ADAM18: variants seen among roughly 807,000 people sequenced by gnomAD.
ADAM18 encodes ADAM metallopeptidase domain 18.
A neutral mutation model predicts 94.4 loss-of-function variants in ADAM18; 117 were observed. That is an observed-to-expected ratio of 1.24 (90% confidence interval 1.07 to 1.45). The LOEUF (loss-of-function observed/expected upper bound fraction) is 1.45, where lower values mean the gene tolerates loss of function less well. ADAM18 is among the 40% of genes most tolerant of loss of function. The pLI, the probability that ADAM18 is intolerant of heterozygous loss-of-function variation, is 0.00. For missense variants in ADAM18, 936 were observed against 880.0 expected, an observed-to-expected ratio of 1.06 and a Z score of -0.81; for synonymous variants, 327 against 291.6, an observed-to-expected ratio of 1.12 and a Z score of -1.24.
chr8:39,720,273 G>T (rs956801097), intron 18 of ADAM18, among the ~76,000 whole-genome samples: 1 of 151,472 alleles, frequency 6.6e-6, no homozygotes, highest in Non-Finnish European at 1.5e-5. Flanking sequence ...TATAATGAAA[G>T]AATGCAGACC....
At chr8:39,691,661 A>C (rs1279398899) in intron 16 of ADAM18, among the ~76,000 whole-genome samples, 3 of 152,142 alleles carry the variant, frequency 2.0e-5, no homozygotes, top group Admixed American at 6.5e-5. Context: ...TAAACAAATA[A>C]AATCATGTTA....
chr8:39,621,309 TCACA>T (rs55818122), intron 6 of ADAM18, among the ~76,000 whole-genome samples: 3,840 of 128,842 alleles, frequency 0.03, 65 homozygotes, highest in Middle Eastern at 0.062. Context: ...CATGACAAAA[TCACA>T]CACACACACA....
At chr8:39,706,565 A>G (rs1822247590) in intron 17 of ADAM18, among the ~76,000 whole-genome samples, 1 of 152,202 alleles carries the variant, frequency 6.6e-6, no homozygotes, top group South Asian at 2.1e-4. Context: ...CTCAATGTAT[A>G]GAGGCCAGAA....
At position 39,606,288 on chromosome 8, in the gene ADAM18, C is replaced by G. The variant is rs200886673; in HGVS notation, c.133-19C>G. ...TTTCTGGTTTCCTTCACAATCTTTACTGATGTGTTTTATTTTAGATGATTT... is the reference window on the plus strand; with the variant it reads ...TTTCTGGTTTCCTTCACAATCTTTAGTGATGTGTTTTATTTTAGATGATTT... On this transcript the variant is annotated intron_variant, in intron 2 of 19. Coordinates refer to ENST00000265707, the MANE Select transcript of ADAM18 (RefSeq NM_014237.3). The G allele has an allele frequency of 7.1e-7, 1 of 1,416,724 alleles. No individual in the cohort carries two copies. Among genetic ancestry groups the G allele is most frequent in the Non-Finnish European group, 9.7e-7 (1 of 1,030,286 alleles). 87.8% of individuals were successfully genotyped at this position (1,416,724 alleles called of 1,614,324 possible).
intron 2 of ADAM18, among the ~76,000 whole-genome samples, chr8:39,600,952 G>A (rs1818884510): frequency 6.6e-6 from 1 of 152,160 alleles, no homozygotes; most frequent in Non-Finnish European, 1.5e-5. Context: ...AAAGAAAAGA[G>A]GTTTAATTGG....
At chr8:39,655,464 T>C (rs1820659190) in intron 12 of ADAM18, among the ~76,000 whole-genome samples, 1 of 152,110 alleles carries the variant, frequency 6.6e-6, no homozygotes, top group African/African-American at 2.4e-5. Flanking sequence ...ATCATCTCAA[T>C]GGATAGATAA....
chr8:39,720,249 A>C (rs554331514), intron 18 of ADAM18, among the ~76,000 whole-genome samples: 47 of 151,684 alleles, frequency 3.1e-4, no homozygotes, highest in African/African-American at 1.1e-3. Flanking sequence ...AAGTATAAAA[A>C]ATGAAAGCTA....
intron 18 of ADAM18, among the ~76,000 whole-genome samples, chr8:39,716,092 C>G (rs901758299): frequency 6.6e-6 from 1 of 151,916 alleles, no homozygotes; most frequent in Non-Finnish European, 1.5e-5. Context: ...TTTTCTCTCT[C>G]TCTTTTTTCT....
intron 3 of ADAM18, 49 bp from the exon 4 acceptor site, chr8:39,608,993 T>C: frequency 9.4e-7 from 1 of 1,059,140 alleles, no homozygotes; most frequent in Non-Finnish European, 1.4e-6. Flanking sequence ...TTTTTAACAT[T>C]ATATTAAGAT....
rs1360687095 is a variant in ADAM18 at position 39,632,330 on chromosome 8, G to C, written c.588+2891G>C. On this transcript the variant is annotated intron_variant, in intron 7 of 19. Coordinates refer to ENST00000265707, the MANE Select transcript of ADAM18 (RefSeq NM_014237.3). ...CTTGCAGATTAACCATTCTTGCTAA[G>C]TTTCATGTTAGCTCTTAGTTTTTGG... Among the ~76,000 whole-genome samples, 10 of 151,906 alleles carry C rather than the reference G, an allele frequency of 6.6e-5. No individual in the cohort carries two copies. The East Asian group carries it at 1.9e-3, about 29-fold the overall frequency.
chr8:39,624,878 T>TC (rs1819718926), intron 6 of ADAM18, among the ~76,000 whole-genome samples: 1 of 152,214 alleles, frequency 6.6e-6, no homozygotes, highest in African/African-American at 2.4e-5. Flanking sequence ...TTGAAAGTTT[T>TC]CTGAGGTTTC....
chr8:39,615,944 A>G (rs1264118372), intron 6 of ADAM18, among the ~76,000 whole-genome samples: 2 of 152,242 alleles, frequency 1.3e-5, no homozygotes, highest in Non-Finnish European at 2.9e-5. Flanking sequence ...AATCAAGAAC[A>G]CAATCTCATT....
chr8:39,591,697 A>G (rs191070857), intron 2 of ADAM18, among the ~76,000 whole-genome samples: 11 of 152,314 alleles, frequency 7.2e-5, no homozygotes, highest in African/African-American at 2.6e-4. Flanking sequence ...AATTCCTGTT[A>G]GTGTTGATAT....
At chr8:39,664,614 A>T (rs920969947) in intron 13 of ADAM18, among the ~76,000 whole-genome samples, 7 of 152,188 alleles carry the variant, frequency 4.6e-5, no homozygotes, top group African/African-American at 1.4e-4. Context: ...TAAATGATGA[A>T]TGATTATGGA....
At position 39,701,117 on chromosome 8, in the gene ADAM18, CAAAAAAAAAAAAAAAA is replaced by C. The variant is rs71237188; in HGVS notation, c.1903-5656_1903-5641del. Among the ~76,000 whole-genome samples the C allele has an allele frequency of 4.9e-4, 17 of 34,566 alleles. 1 individual carries two copies. Among genetic ancestry groups the C allele is most frequent in the South Asian group, 6.1e-3 (2 of 330 alleles). The allele number at this position is 34,566 out of a possible 152,430, so 22.7% of individuals were successfully genotyped here. A position where few individuals can be genotyped will look rare whatever the true frequency, so the allele number is the denominator to read the frequency against. Reference sequence around the variant, plus strand: ...TGGGCGACAGAGCAAGACTCTGTCTCAAAAAAAAAAAAAAAAAAAAAAAAAAAAAAAATTTATTGTA... The same window carrying C: ...TGGGCGACAGAGCAAGACTCTGTCTCAAAAAAAAAAAAAAAATTTATTGTA... On this transcript the variant is annotated intron_variant, in intron 17 of 19. Coordinates refer to ENST00000265707, the MANE Select transcript of ADAM18 (RefSeq NM_014237.3).
rs559019614 is a variant in ADAM18, at chr8:39,680,871, C to T, written c.1821+645C>T. Among the ~76,000 whole-genome samples, 4 of 152,214 alleles carry T rather than the reference C, an allele frequency of 2.6e-5. No homozygotes were observed. In the East Asian group the frequency reaches 7.7e-4, roughly 29 times the overall value. ...TGTTGCACTTAAATGTCATTTGGTG[C>T]TTATTTGATGCGTAAAAATAAAACA... On this transcript the variant is annotated intron_variant, in intron 16 of 19. Coordinates refer to ENST00000265707, the MANE Select transcript of ADAM18 (RefSeq NM_014237.3).
intron 15 of ADAM18, 121 bp from the exon 16 acceptor site, chr8:39,679,916 T>G: frequency 1.1e-6 from 1 of 887,040 alleles, no homozygotes; most frequent in Non-Finnish European, 1.7e-6. Flanking sequence ...ATGTTTCAGT[T>G]TGGCATTTTT....
chr8:39,654,175 G>A (rs1436836464), intron 12 of ADAM18, among the ~76,000 whole-genome samples: 1 of 42,588 alleles, frequency 2.3e-5, no homozygotes, highest in Non-Finnish European at 4.9e-5. Context: ...TTTTTTTTTT[G>A]GAGACAGAGT....
chr8:39,620,056 T>C (rs904551724), intron 6 of ADAM18, among the ~76,000 whole-genome samples: 1 of 152,060 alleles, frequency 6.6e-6, no homozygotes, highest in Non-Finnish European at 1.5e-5. Context: ...AACAGAACTA[T>C]GCATTTACAG....
Sources: allele counts gnomAD v4.1 joint callset (sites outside exome capture counted in the v4.1 genomes callset), GRCh38; gene constraint gnomAD v4.1.1; transcripts MANE v1.5; gene names NCBI Gene and HGNC (gene_info 2026-07-23, HGNC 2026-07-21).